Variants in WNT7B observed in about 807,000 individuals in gnomAD.
WNT7B encodes protein Wnt-7b.
WNT7B carries 19 observed loss-of-function variants against 38.2 expected under a neutral mutation model. The observed-to-expected ratio is 0.50, with a 90% CI of 0.35 to 0.73. WNT7B has a LOEUF of 0.73. WNT7B is among the 30% of genes least tolerant of loss of function. The pLI is 0.01. For synonymous variants in WNT7B, 243 were observed against 209.3 expected, an observed-to-expected ratio of 1.16 and a Z score of -1.39; for missense variants, 423 against 507.9, an observed-to-expected ratio of 0.83 and a Z score of 1.61.
At chr22:45,927,707 G>A in intron 3 of WNT7B, 1 of 680,150 alleles carries the variant, frequency 1.5e-6, no homozygotes, top group Non-Finnish European at 2.7e-6. Context: ...ACCAGCCTGG[G>A]CAACATGGTG....
At chr22:45,923,363 A>G in intron 3 of WNT7B, 28 bp from the exon 4 acceptor site, 1 of 1,575,410 alleles carries the variant, frequency 6.3e-7, no homozygotes, top group South Asian at 1.2e-5. Flanking sequence ...GCTGCTCGGC[A>G]CGGCATGGCC....
rs1406170408 is a variant in WNT7B, at chr22:45,931,170, G to A, written c.498C>T (p.Phe166=). The A allele has an allele frequency of 1.9e-6, 3 of 1,599,302 alleles. No homozygotes were observed. The highest frequency in any genetic ancestry group is 2.2e-5 in the East Asian group (1 of 44,864). ...VRYGIDFSRR[F]VDAREIKKNA... is the part of the protein sequence containing the mutation. The stretch of plus-strand genomic sequence containing the variant: ...TCTTCTTGATCTCCCGAGCGTCCAC[G>A]AAGCGCCGGGAGAAGTCGATGCCGT... Residue 166 remains phenylalanine, a synonymous_variant, in exon 3 of 4, where the codon TTC becomes TTT. Transcript: ENST00000339464.
rs1181680473 is a variant in WNT7B at position 45,976,105 on chromosome 22, G to C, written c.71+579C>G. 1 of 145,446 alleles carries C rather than the reference G, an allele frequency of 6.9e-6. No homozygotes were observed. Among genetic ancestry groups the C allele is most frequent in the African/African-American group, 2.5e-5 (1 of 40,630 alleles). 9.0% of individuals were successfully genotyped at this position (145,446 alleles called of 1,614,324 possible). A position where few individuals can be genotyped will look rare whatever the true frequency, so the allele number is the denominator to read the frequency against. ...ACGGGCCCCGGACCGAGCCCGAGGC[G>C]GCCCGGCCGGCCCCACGGCCCATCC... is the stretch of plus-strand genomic sequence containing the variant. On this transcript the variant is annotated intron_variant, in intron 1 of 3. Coordinates refer to ENST00000339464, the MANE Select transcript of WNT7B (RefSeq NM_058238.3). The surrounding 1 kb of genome is among the most constrained non-coding windows in gnomAD (Gnocchi z 8.5).
intron 1 of WNT7B, among the ~76,000 whole-genome samples, chr22:45,952,959 C>A (rs1362581441): frequency 6.6e-6 from 1 of 152,250 alleles, no homozygotes; most frequent in East Asian, 1.9e-4. Flanking sequence ...CCTCCCCTGG[C>A]TGCTGCCCCT....
In WNT7B at chr22:45,976,546, G is replaced by C. The variant is rs1932555447; in HGVS notation, c.71+138C>G. 2.2e-6 allele frequency: 2 copies of C among 915,518 alleles called. No homozygotes were observed. Among genetic ancestry groups the C allele is most frequent in the Admixed American group, 4.7e-5 (2 of 42,734 alleles). The allele number at this position is 915,518 out of a possible 1,614,324, so 56.7% of individuals were successfully genotyped here. ...CTCTGCTGGCGTGGGGCGAGGGTCTGACACACGGGCCAGCCCCGGAGCCCA... is the reference window on the plus strand; with the variant it reads ...CTCTGCTGGCGTGGGGCGAGGGTCTCACACACGGGCCAGCCCCGGAGCCCA... On this transcript the variant is annotated intron_variant, in intron 1 of 3. Coordinates refer to ENST00000339464, the MANE Select transcript of WNT7B (RefSeq NM_058238.3). The surrounding 1 kb of genome is among the most constrained non-coding windows in gnomAD (Gnocchi z 8.5).
chr22:45,925,977 C>A lies in WNT7B; in HGVS notation c.571-2642G>T, dbSNP rs1359998100. The A allele has an allele frequency of 4.2e-6, 4 of 943,282 alleles. No individual in the cohort carries two copies. The East Asian group carries it at 4.5e-4, about 107-fold the overall frequency. The allele number at this position is 943,282 out of a possible 1,614,324, so 58.4% of individuals were successfully genotyped here. A position where few individuals can be genotyped will look rare whatever the true frequency, so the allele number is the denominator to read the frequency against. On this transcript the variant is annotated intron_variant, in intron 3 of 3. Coordinates refer to ENST00000339464, the MANE Select transcript of WNT7B (RefSeq NM_058238.3). ...TGCCCTGTATCCCTCCCCCTCCTCC[C>A]TCCCCTGTCCCTGTCTCCCGGTCTT... is the stretch of plus-strand genomic sequence containing the variant.
chr22:45,931,246 T>C lies in WNT7B; in HGVS notation c.422A>G (p.Tyr141Cys). 1 of 1,599,184 alleles carries C rather than the reference T, an allele frequency of 6.3e-7. No homozygotes were observed. The highest frequency in any genetic ancestry group is 8.5e-7 in the Non-Finnish European group (1 of 1,179,822). The part of the protein sequence containing the change: ...CGCDREKQGY[Y>C]NQAEGWKWGG... ...CCACTTCCAGCCCTCGGCTTGGTTGTAGTAGCCCTGCTTCTCGCGGTCGCA... is the reference window on the plus strand; with the variant it reads ...CCACTTCCAGCCCTCGGCTTGGTTGCAGTAGCCCTGCTTCTCGCGGTCGCA... Residue 141 changes from tyrosine (Y) to cysteine (C), a missense_variant, in exon 3 of 4, where the codon TAC (tyrosine) becomes TGC (cysteine). Physicochemically the swap from Tyr to Cys is radical, Grantham distance 194 (BLOSUM62 -2). Around this residue, in one of 3 missense-constraint regions of WNT7B, gnomAD observed 132 missense variants for 113.4 expected, o/e 1.16. Coordinates refer to ENST00000339464, the MANE Select transcript of WNT7B (RefSeq NM_058238.3).
At position 45,965,995 on chromosome 22, in the gene WNT7B, TTGACCTGGGCGAGTGACTCTGCACCC is replaced by T; in HGVS notation, c.71+10663_71+10688del. Reference sequence around the variant, plus strand: ...TGGGCTCAAATCTGGGCTCAGCTGCTTGACCTGGGCGAGTGACTCTGCACCCTGACCTCGTCTTCCTCACTCCACCA... The same window carrying T: ...TGGGCTCAAATCTGGGCTCAGCTGCTTGACCTCGTCTTCCTCACTCCACCA... On this transcript the variant is annotated intron_variant, in intron 1 of 3. Transcript: ENST00000339464. The surrounding 1 kb of genome is among the most constrained non-coding windows in gnomAD (Gnocchi z 6.5). 6.6e-6 allele frequency among the ~76,000 whole-genome samples: 1 copy of T among 152,150 alleles called. No homozygotes were observed. The highest frequency in any genetic ancestry group is 2.1e-4 in the South Asian group (1 of 4,820).
In WNT7B at chr22:45,967,371, G is replaced by A. The variant is rs375559027; in HGVS notation, c.71+9313C>T. ...GCGGCAGCCTTAGGAGCCTGCTACC[G>A]CCTCTCCATCTGCTGGGGATGACAG... On this transcript the variant is annotated intron_variant, in intron 1 of 3. Transcript: ENST00000339464. 2.1e-4 allele frequency among the ~76,000 whole-genome samples: 32 copies of A among 152,296 alleles called. No homozygotes were observed. In the East Asian group the frequency reaches 3.7e-3, roughly 17 times the overall value.
At chr22:45,945,158 A>G (rs1931764759) in intron 2 of WNT7B, among the ~76,000 whole-genome samples, 1 of 151,972 alleles carries the variant, frequency 6.6e-6, no homozygotes, top group African/African-American at 2.4e-5. Context: ...ATCTTGGCTC[A>G]CTGCAACCTC....
intron 2 of WNT7B, chr22:45,936,194 A>G: frequency 1.0e-6 from 1 of 983,766 alleles, no homozygotes; most frequent in Non-Finnish European, 1.2e-6. Flanking sequence ...GTGCCTCGGC[A>G]AGTTACCAGC....
intron 2 of WNT7B, among the ~76,000 whole-genome samples, chr22:45,934,437 G>A (rs544118132): frequency 6.6e-6 from 1 of 152,174 alleles, no homozygotes; most frequent in South Asian, 2.1e-4. Context: ...GAGTGGGCAT[G>A]TGTCACCCGA....
In WNT7B at chr22:45,931,205, C is replaced by T. The variant is rs758338361; in HGVS notation, c.463G>A (p.Asp155Asn). The T allele has an allele frequency of 1.3e-6, 2 of 1,599,374 alleles. No homozygotes were observed. The highest frequency in any genetic ancestry group is 1.1e-5 in the South Asian group (1 of 91,072). The change falls in exon 3 of 4, where the codon GAC becomes AAC. Residue 155 changes from aspartate to asparagine, a missense_variant. Around this residue, in one of 3 missense-constraint regions of WNT7B, gnomAD observed 132 missense variants for 113.4 expected, o/e 1.16. Coordinates refer to ENST00000339464, the MANE Select transcript of WNT7B (RefSeq NM_058238.3). ...GAGAAGTCGATGCCGTAACGCACGT[C>T]GGCCGAGCAGCCGCCCCACTTCCAG... is the stretch of plus-strand genomic sequence containing the variant. ...EGWKWGGCSA[D>N]VRYGIDFSRR... is the part of the protein sequence containing the mutation.
In WNT7B at chr22:45,966,539, G is replaced by A. The variant is rs1327946439; in HGVS notation, c.71+10145C>T. Among the ~76,000 whole-genome samples, 5 of 152,190 alleles carry A rather than the reference G, an allele frequency of 3.3e-5. No homozygotes were observed. The highest frequency in any genetic ancestry group is 9.7e-5 in the African/African-American group (4 of 41,450). On this transcript the variant is annotated intron_variant, in intron 1 of 3. Coordinates refer to ENST00000339464, the MANE Select transcript of WNT7B (RefSeq NM_058238.3). This position sits in a 1 kb window ranked among gnomAD's most constrained non-coding sequence, Gnocchi z 4.2. ...ATAGGACTCCAGGGGATGCTCACTC[G>A]GGCTCTTCTCCGTTGCTGCTGACAC...
rs1932558764 is a variant in WNT7B, at chr22:45,976,703, C to T, written c.52G>A (p.Val18Ile). The change falls in exon 1 of 4, where the codon GTC becomes ATC. Residue 18 changes from valine to isoleucine, a missense_variant. By Grantham distance (29) the Val-to-Ile change is conservative (BLOSUM62 3). Around this residue, in one of 3 missense-constraint regions of WNT7B, gnomAD observed 133 missense variants for 179.8 expected, o/e 0.74. Coordinates refer to ENST00000339464, the MANE Select transcript of WNT7B (RefSeq NM_058238.3). The surrounding 1 kb of genome is among the most constrained non-coding windows in gnomAD (Gnocchi z 8.5). ...ACTCACCCGAGCTTCACGTACAGGA[C>T]GCCAAAGCAGAGAAACACGTAGAAA... ...WIFYVFLCFG[V>I]LYVKLGALSS... is the part of the protein sequence containing the mutation. The T allele has an allele frequency of 6.2e-7, 1 of 1,609,882 alleles. No individual in the cohort carries two copies. The highest frequency in any genetic ancestry group is 8.5e-7 in the Non-Finnish European group (1 of 1,177,688).
intron 2 of WNT7B, among the ~76,000 whole-genome samples, chr22:45,939,317 C>T (rs1424577985): frequency 6.6e-6 from 1 of 152,146 alleles, no homozygotes; most frequent in Non-Finnish European, 1.5e-5. Context: ...GAAACAGGCG[C>T]CCACTTATAT....
chr22:45,962,201 G>A (rs563336980), intron 1 of WNT7B, among the ~76,000 whole-genome samples: 6 of 152,308 alleles, frequency 3.9e-5, no homozygotes, highest in South Asian at 2.1e-4. Context: ...CGCTGCAGGT[G>A]GATGAGCCAC....
chr22:45,929,172 C>T (rs1246939245), intron 3 of WNT7B, among the ~76,000 whole-genome samples: 1 of 152,146 alleles, frequency 6.6e-6, no homozygotes, highest in African/African-American at 2.4e-5. Flanking sequence ...TCCTCTTTCT[C>T]CTCCTCCTCC....
intron 1 of WNT7B, among the ~76,000 whole-genome samples, chr22:45,960,653 G>T (rs1238576464): frequency 1.3e-5 from 2 of 152,238 alleles, no homozygotes; most frequent in Non-Finnish European, 2.9e-5. Flanking sequence ...TTCCTTCTCA[G>T]GCATCTTCTG....
Sources: allele counts gnomAD v4.1 joint callset (sites outside exome capture counted in the v4.1 genomes callset), GRCh38; gene constraint gnomAD v4.1.1; regional missense constraint gnomAD v4.1.1; non-coding constraint Gnocchi (gnomAD v3.1); transcripts MANE v1.5; gene names NCBI Gene and HGNC (gene_info 2026-07-23, HGNC 2026-07-21).